Variants in COL4A5 observed in about 807,000 individuals in gnomAD.
The protein encoded by COL4A5 is collagen alpha-5(IV) chain.
Under a neutral mutation model 130.2 loss-of-function variants are expected in COL4A5, and 26 were observed. The observed-to-expected ratio is 0.20, with a 90% CI of 0.15 to 0.28. The LOEUF is 0.28. COL4A5 is among the 10% of genes least tolerant of loss of function. COL4A5 has a pLI of 1.00. For missense variants in COL4A5, 1,131 were observed against 1,344.3 expected, an observed-to-expected ratio of 0.84 and a Z score of 2.48; for synonymous variants, 496 against 439.6, an observed-to-expected ratio of 1.13 and a Z score of -1.60.
At position 108,692,936 on chromosome X, in the gene COL4A5, G is replaced by C; in HGVS notation, c.4706+11G>C. On this transcript the variant is annotated intron_variant, in intron 50 of 52. Coordinates refer to ENST00000328300, the MANE Select transcript of COL4A5 (RefSeq NM_033380.3). ...GCCATTCATTAGTCGGTAAGGCATTGATTTAGCTGTGACTTTTACCAATCC... is the reference window on the plus strand; with the variant it reads ...GCCATTCATTAGTCGGTAAGGCATTCATTTAGCTGTGACTTTTACCAATCC... 8.3e-7 allele frequency: 1 copy of C among 1,210,637 alleles called. No homozygotes were observed. Among genetic ancestry groups the C allele is most frequent in the African/African-American group, 1.7e-5 (1 of 57,852 alleles).
rs57768008 is a variant in COL4A5, at chrX:108,579,059, A to ATT, written c.780+685_780+686dup. ...CCACCCATTTAAAGTGTACAATTCAATTTTTTTTTTAGTGCATTCACAGGG... is the reference window on the plus strand; with the variant it reads ...CCACCCATTTAAAGTGTACAATTCAATTTTTTTTTTTTAGTGCATTCACAGGG... On this transcript the variant is annotated intron_variant, in intron 13 of 52. Transcript: ENST00000328300. 4.7e-5 allele frequency among the ~76,000 whole-genome samples: 5 copies of ATT among 107,439 alleles called. No individual in the cohort carries two copies. The Admixed American group carries it at 5.0e-4, about 11-fold the overall frequency. 93.3% of individuals were successfully genotyped at this position (107,439 alleles called of 115,157 possible). A position where few individuals can be genotyped will look rare whatever the true frequency, so the allele number is the denominator to read the frequency against.
intron 29 of COL4A5, among the ~76,000 whole-genome samples, chrX:108,609,850 T>C (rs184664235): frequency 3.6e-5 from 4 of 110,851 alleles, no homozygotes; most frequent in African/African-American, 1.3e-4. Flanking sequence ...ACTTCTGTGC[T>C]GTCAATCCTG....
intron 10 of COL4A5, 46 bp from the exon 11 acceptor site, chrX:108,577,906 C>T (rs1318914117): frequency 9.7e-7 from 1 of 1,035,765 alleles, no homozygotes; most frequent in Admixed American, 2.5e-5. Context: ...TTAAAATTAA[C>T]TTATTAATAT....
rs546815968 is a variant in COL4A5, at chrX:108,439,945, CCTT to C, written c.-168_-166del. ...GGGGAGGGGGGAAGGAAGAGTAGCT[CCTT>C]CTTCTTCTTCTTTTTTTTTTCTTCC... On this transcript the variant is annotated 5_prime_UTR_variant, in exon 1 of 53. Coordinates refer to ENST00000328300, the MANE Select transcript of COL4A5 (RefSeq NM_033380.3). 1.4e-3 allele frequency: 603 copies of C among 439,095 alleles called. 2 individuals carry two copies. The highest frequency in any genetic ancestry group is 0.01 in the South Asian group (288 of 28,675). The allele number at this position is 439,095 out of a possible 1,213,427, so 36.2% of individuals were successfully genotyped here. A position where few individuals can be genotyped will look rare whatever the true frequency, so the allele number is the denominator to read the frequency against.
At position 108,606,783 on chromosome X, in the gene COL4A5, A is replaced by G. The variant is rs369726425; in HGVS notation, c.2286A>G (p.Pro762=). Residue 762 remains proline (P), a synonymous_variant, in exon 29 of 53, where the codon CCA becomes CCG. Transcript: ENST00000328300. ...GFALPGPPGP[P]GLPGFKGALG... The stretch of plus-strand genomic sequence containing the variant: ...CATTACCTGGGCCACCTGGGCCACC[A>G]GGACTTCCAGGTTTCAAAGGAGCAC... The G allele has an allele frequency of 4.4e-5, 53 of 1,209,678 alleles. No individual in the cohort carries two copies. The highest frequency in any genetic ancestry group is 5.6e-5 in the Non-Finnish European group (50 of 894,937).
At chrX:108,632,984 A>T (rs774704507) in intron 36 of COL4A5, among the ~76,000 whole-genome samples, 1 of 111,665 alleles carries the variant, frequency 9.0e-6, no homozygotes, top group African/African-American at 3.3e-5. Context: ...GGCCAGGGCA[A>T]TCAGGCAGGC....
chrX:108,502,443 GC>G (rs1007521089), intron 1 of COL4A5, among the ~76,000 whole-genome samples: 20 of 109,660 alleles, frequency 1.8e-4, no homozygotes, highest in African/African-American at 5.6e-4. Flanking sequence ...GCACCACCAT[GC>G]CCGGCTAATT....
In COL4A5 at chrX:108,581,044, C is replaced by G. The variant is rs1170191992; in HGVS notation, c.936+17C>G. ...GGAATTCCTGTAAGTAGCTAAGGTT[C>G]TTTCCCCCTGCAAAACTGGAGACAT... On this transcript the variant is annotated intron_variant, in intron 16 of 52. Coordinates refer to ENST00000328300, the MANE Select transcript of COL4A5 (RefSeq NM_033380.3). The G allele has an allele frequency of 8.4e-7, 1 of 1,192,642 alleles. No homozygotes were observed. Among genetic ancestry groups the G allele is most frequent in the African/African-American group, 1.8e-5 (1 of 56,771 alleles).
At chrX:108,556,622 G>A (rs779045382) in intron 2 of COL4A5, among the ~76,000 whole-genome samples, 1 of 111,121 alleles carries the variant, frequency 9.0e-6, no homozygotes, top group African/African-American at 3.3e-5. Context: ...CTGTTTGTGA[G>A]TGTTAGCAAA....
chrX:108,548,067 G>A (rs188852007), intron 2 of COL4A5, among the ~76,000 whole-genome samples: 119 of 111,568 alleles, frequency 1.1e-3, no homozygotes, highest in African/African-American at 3.5e-3. Context: ...CGGGTGAGGC[G>A]ATGCCTCACC....
chrX:108,671,781 T>C (rs1029634650), intron 42 of COL4A5, among the ~76,000 whole-genome samples: 6 of 111,407 alleles, frequency 5.4e-5, no homozygotes, highest in South Asian at 7.6e-4. Context: ...TGATCAGATA[T>C]CGGGGTGAAG....
intron 1 of COL4A5, among the ~76,000 whole-genome samples, chrX:108,470,682 C>T (rs901525698): frequency 1.8e-5 from 2 of 111,342 alleles, no homozygotes; most frequent in African/African-American, 6.5e-5. Flanking sequence ...GTTTTTGTTG[C>T]CATTGCGTTT....
chrX:108,597,620 A>T (rs1481851548), intron 24 of COL4A5, 52 bp downstream of exon 24: 1 of 1,075,251 alleles, frequency 9.3e-7, no homozygotes, highest in Admixed American at 2.4e-5. Flanking sequence ...TCACTTAGAA[A>T]TGTTTTCTAA....
rs753261622 is a variant in COL4A5, at chrX:108,462,193, A to G, written c.81+21987A>G. On this transcript the variant is annotated intron_variant, in intron 1 of 52. Coordinates refer to ENST00000328300, the MANE Select transcript of COL4A5 (RefSeq NM_033380.3). ...AGGAGGAAAAAAGATTTAGAGTAAG[A>G]TACATACTAATATTAAATACTAGTG... Among the ~76,000 whole-genome samples, 193 of 111,291 alleles carry G rather than the reference A, an allele frequency of 1.7e-3. 1 individual carries two copies. Among genetic ancestry groups the G allele is most frequent in the Non-Finnish European group, 3.2e-3 (168 of 53,045 alleles).
At chrX:108,579,092 A>T (rs1275990711) in intron 13 of COL4A5, among the ~76,000 whole-genome samples, 1 of 111,769 alleles carries the variant, frequency 8.9e-6, no homozygotes, top group Non-Finnish European at 1.9e-5. Flanking sequence ...GGGTAGTGAA[A>T]CTATCAGTGC....
intron 1 of COL4A5, among the ~76,000 whole-genome samples, chrX:108,492,614 T>A (rs1013274604): frequency 9.0e-6 from 1 of 111,712 alleles, no homozygotes; most frequent in African/African-American, 3.2e-5. Context: ...TTTAGCTAAT[T>A]GAACAAGTAA....
intron 42 of COL4A5, among the ~76,000 whole-genome samples, chrX:108,670,475 G>A (rs2068179606): frequency 8.9e-6 from 1 of 111,807 alleles, no homozygotes; most frequent in Admixed American, 9.5e-5. Context: ...TCATATATTT[G>A]TGTCATTTTC....
At chrX:108,489,368 T>G (rs191541226) in intron 1 of COL4A5, among the ~76,000 whole-genome samples, 334 of 111,575 alleles carry the variant, frequency 3.0e-3, no homozygotes, top group African/African-American at 0.01. Flanking sequence ...TTTATTTATG[T>G]GTCTGCTTTT....
intron 2 of COL4A5, among the ~76,000 whole-genome samples, chrX:108,553,323 T>C (rs1421483494): frequency 9.0e-6 from 1 of 111,720 alleles, no homozygotes; most frequent in African/African-American, 3.2e-5. Flanking sequence ...AAAAATAATA[T>C]TTGCAAATTA....
Sources: gnomAD v4.1 joint callset for allele counts (sites outside exome capture counted in the v4.1 genomes callset) on GRCh38, gnomAD v4.1.1 for gene constraint, MANE v1.5 for transcripts, NCBI Gene and HGNC (gene_info 2026-07-23, HGNC 2026-07-21) for gene names.